Variants in TMEM108 observed in about 807,000 individuals in gnomAD.
TMEM108 encodes transmembrane protein 108.
TMEM108 carries 12 observed loss-of-function variants against 35.1 expected under a neutral mutation model. The observed-to-expected ratio is 0.34, with a 90% CI of 0.22 to 0.55. TMEM108 has a LOEUF of 0.55. Ranked by LOEUF, TMEM108 falls within the 20% of genes least tolerant of loss-of-function variation. TMEM108 has a pLI of 0.89. For missense variants in TMEM108, 680 were observed against 753.3 expected, an observed-to-expected ratio of 0.90 and a Z score of 1.14; for synonymous variants, 287 against 308.6, an observed-to-expected ratio of 0.93 and a Z score of 0.73.
chr3:133,040,902 T>C (rs1243460068), intron 1 of TMEM108, among the ~76,000 whole-genome samples: 1 of 152,198 alleles, frequency 6.6e-6, no homozygotes, highest in Non-Finnish European at 1.5e-5. Flanking sequence ...ATGAGAGAGA[T>C]TAGAGTCCGA....
At chr3:133,105,920 G>T (rs551075815) in intron 2 of TMEM108, among the ~76,000 whole-genome samples, 1 of 152,090 alleles carries the variant, frequency 6.6e-6, no homozygotes, top group Non-Finnish European at 1.5e-5. Context: ...GAGGTCTCCC[G>T]GTCTCTTAGG....
chr3:133,326,782 C>T (rs1413465344), intron 3 of TMEM108, among the ~76,000 whole-genome samples: 2 of 152,178 alleles, frequency 1.3e-5, no homozygotes, highest in African/African-American at 4.8e-5. Flanking sequence ...GGTTCAAATT[C>T]TGTCTTCATC....
At chr3:133,371,983 A>G (rs781528379) in intron 3 of TMEM108, among the ~76,000 whole-genome samples, 4 of 152,216 alleles carry the variant, frequency 2.6e-5, no homozygotes, top group Non-Finnish European at 4.4e-5. Context: ...TTATAAGCAC[A>G]CAAGGAGGGA....
At chr3:133,099,702 C>A (rs559581840) in intron 2 of TMEM108, among the ~76,000 whole-genome samples, 288 of 152,296 alleles carry the variant, frequency 1.9e-3, no homozygotes, top group Non-Finnish European at 2.7e-3. Flanking sequence ...AAGTATGCCA[C>A]CAGTCTCTTT....
chr3:133,376,146 G>A (rs1283602020), intron 3 of TMEM108, among the ~76,000 whole-genome samples: 1 of 152,186 alleles, frequency 6.6e-6, no homozygotes, highest in Non-Finnish European at 1.5e-5. Context: ...ACAGCACCAA[G>A]GATTCCAGTC....
intron 2 of TMEM108, among the ~76,000 whole-genome samples, chr3:133,163,868 A>G (rs2107781971): frequency 6.6e-6 from 1 of 152,182 alleles, no homozygotes; most frequent in African/African-American, 2.4e-5. Flanking sequence ...CAAGTTTCCC[A>G]CAGCTTAGGC....
chr3:133,112,253 T>C (rs1214675684), intron 2 of TMEM108, among the ~76,000 whole-genome samples: 1 of 152,132 alleles, frequency 6.6e-6, no homozygotes, highest in East Asian at 1.9e-4. Context: ...GATATAAAAT[T>C]GCCTGTTTTT....
At chr3:133,172,522 G>C (rs556768186) in intron 2 of TMEM108, among the ~76,000 whole-genome samples, 1 of 152,284 alleles carries the variant, frequency 6.6e-6, no homozygotes, top group Admixed American at 6.5e-5. Context: ...TGCACATCTT[G>C]TGTTAAGTAA....
intron 3 of TMEM108, among the ~76,000 whole-genome samples, chr3:133,290,413 G>T (rs892841080): frequency 6.6e-6 from 1 of 152,116 alleles, no homozygotes; most frequent in African/African-American, 2.4e-5. Context: ...CTCAGGTCAG[G>T]AGTTTGAGAC....
intron 2 of TMEM108, among the ~76,000 whole-genome samples, chr3:133,195,203 T>G (rs1945559477): frequency 1.3e-5 from 2 of 152,188 alleles, no homozygotes; most frequent in African/African-American, 2.4e-5. Flanking sequence ...TATTGTCTAA[T>G]GTAATACTTG....
chr3:133,198,827 C>T (rs772449442), intron 2 of TMEM108, among the ~76,000 whole-genome samples: 28 of 152,124 alleles, frequency 1.8e-4, no homozygotes, highest in Admixed American at 1.3e-4. Flanking sequence ...TGAATGTCGG[C>T]CTGCCTTGCT....
chr3:133,358,248 T>C (rs534175896), intron 3 of TMEM108, among the ~76,000 whole-genome samples: 2 of 151,782 alleles, frequency 1.3e-5, no homozygotes, highest in South Asian at 4.2e-4. Flanking sequence ...CTCAACTCAC[T>C]GCAACCTCTG....
chr3:133,103,027 G>A (rs970944658), intron 2 of TMEM108, among the ~76,000 whole-genome samples: 3 of 152,152 alleles, frequency 2.0e-5, no homozygotes, highest in Non-Finnish European at 4.4e-5. Flanking sequence ...AGACAGTGTG[G>A]CAATTCCTCA....
intron 5 of TMEM108, among the ~76,000 whole-genome samples, chr3:133,390,803 A>G (rs375804764): frequency 2.6e-5 from 4 of 152,190 alleles, no homozygotes; most frequent in East Asian, 1.9e-4. Flanking sequence ...AAGCCTTCCC[A>G]GTGCAGATGC....
chr3:133,308,398 T>C (rs1022038946), intron 3 of TMEM108, among the ~76,000 whole-genome samples: 1 of 152,192 alleles, frequency 6.6e-6, no homozygotes, highest in African/African-American at 2.4e-5. Flanking sequence ...CAACACTATG[T>C]TGAATAGGAG....
intron 2 of TMEM108, among the ~76,000 whole-genome samples, chr3:133,217,431 T>A (rs955002388): frequency 1.3e-5 from 2 of 152,092 alleles, no homozygotes; most frequent in Admixed American, 6.6e-5. Flanking sequence ...GTTTGTTTGA[T>A]GTAATCTGAT....
chr3:133,151,274 G>A (rs1347671215), intron 2 of TMEM108, among the ~76,000 whole-genome samples: 1 of 152,048 alleles, frequency 6.6e-6, no homozygotes, highest in Non-Finnish European at 1.5e-5. Context: ...TGTTTGTTTT[G>A]TTGTATCCCT....
At chr3:133,051,822 A>T (rs1464496270) in intron 2 of TMEM108, among the ~76,000 whole-genome samples, 1 of 152,096 alleles carries the variant, frequency 6.6e-6, no homozygotes, top group African/African-American at 2.4e-5. Flanking sequence ...ATGTAGGTAT[A>T]TTTCTAGGCT....
At chr3:133,086,233 G>A (rs1043836990) in intron 2 of TMEM108, among the ~76,000 whole-genome samples, 2 of 151,740 alleles carry the variant, frequency 1.3e-5, no homozygotes, top group Non-Finnish European at 2.9e-5. Flanking sequence ...CAGCTTATTC[G>A]TTTCAGTGCC....
Sources: allele counts gnomAD v4.1 joint callset (sites outside exome capture counted in the v4.1 genomes callset), GRCh38; gene constraint gnomAD v4.1.1; transcripts MANE v1.5; gene names NCBI Gene and HGNC (gene_info 2026-07-23, HGNC 2026-07-21).